The following AGFG1 variants were observed in gnomAD, a reference collection of about 807,000 sequenced individuals.
The protein encoded by AGFG1 is arf-GAP domain and FG repeat-containing protein 1.
Under a neutral mutation model 60.6 loss-of-function variants are expected in AGFG1, and 10 were observed. The ratio of observed to expected loss-of-function variants is 0.16; its 90% CI spans 0.10 to 0.28. The LOEUF is 0.28. Among genes scored for constraint, AGFG1 ranks in the 10% least tolerant of loss-of-function variants. The pLI, the probability that AGFG1 is intolerant of heterozygous loss-of-function variation, is 1.00. For missense variants in AGFG1, 537 were observed against 676.5 expected (o/e 0.79, Z 2.29); for synonymous variants, 247 against 242.9 (o/e 1.02, Z -0.16).
At chr2:227,477,781 T>C (rs532476765) in intron 1 of AGFG1, among the ~76,000 whole-genome samples, 1 of 151,972 alleles carries the variant, frequency 6.6e-6, no homozygotes, top group Non-Finnish European at 1.5e-5. Context: ...AAATTTTTTT[T>C]GTATTTTTAG....
chr2:227,485,668 C>A (rs1054799336), intron 1 of AGFG1, among the ~76,000 whole-genome samples: 1 of 52,322 alleles, frequency 1.9e-5, no homozygotes, highest in African/African-American at 1.0e-4. Flanking sequence ...CCTTCCAGTT[C>A]ATTAATTCTC....
At chr2:227,541,720 C>A (rs922262075) in intron 10 of AGFG1, among the ~76,000 whole-genome samples, 3 of 152,002 alleles carry the variant, frequency 2.0e-5, no homozygotes, top group African/African-American at 7.3e-5. Flanking sequence ...TAGTTTTTTC[C>A]AATTCTGTGA....
chr2:227,493,857 A>G (rs1265523031), intron 2 of AGFG1, among the ~76,000 whole-genome samples: 3 of 152,186 alleles, frequency 2.0e-5, no homozygotes, highest in African/African-American at 7.2e-5. Flanking sequence ...GGAAAAAGGG[A>G]ATCAGTATTT....
At chr2:227,547,891 C>G (rs1366512585) in intron 10 of AGFG1, among the ~76,000 whole-genome samples, 1 of 152,162 alleles carries the variant, frequency 6.6e-6, no homozygotes. Flanking sequence ...AATTTGTACA[C>G]AAATGTTCAT....
intron 2 of AGFG1, among the ~76,000 whole-genome samples, chr2:227,501,427 G>A (rs1691151579): frequency 6.6e-6 from 1 of 152,174 alleles, no homozygotes; most frequent in Admixed American, 6.5e-5. Flanking sequence ...TCAATTTTTT[G>A]AGGTATAATT....
intron 5 of AGFG1, among the ~76,000 whole-genome samples, chr2:227,526,272 C>T (rs1049897084): frequency 2.0e-5 from 3 of 152,082 alleles, no homozygotes; most frequent in Non-Finnish European, 4.4e-5. Context: ...AATCTTACTG[C>T]GACCTCCGCC....
At chr2:227,489,302 C>T (rs540864766) in intron 1 of AGFG1, among the ~76,000 whole-genome samples, 25 of 144,694 alleles carry the variant, frequency 1.7e-4, no homozygotes, top group African/African-American at 6.0e-4. Flanking sequence ...GCAATCTCAG[C>T]TCACTGCAAC....
chr2:227,501,572 C>T (rs1691157640), intron 2 of AGFG1, among the ~76,000 whole-genome samples: 1 of 152,122 alleles, frequency 6.6e-6, no homozygotes, highest in Non-Finnish European at 1.5e-5. Flanking sequence ...ACACTTCTTC[C>T]TATTCAGTCC....
intron 2 of AGFG1, among the ~76,000 whole-genome samples, chr2:227,495,218 A>G (rs1472085728): frequency 2.0e-5 from 3 of 152,090 alleles, no homozygotes; most frequent in African/African-American, 4.8e-5. Flanking sequence ...AAAAGTTTCC[A>G]TGTATTTCTT....
intron 10 of AGFG1, among the ~76,000 whole-genome samples, chr2:227,543,176 A>G (rs1055321432): frequency 2.0e-5 from 3 of 151,514 alleles, no homozygotes; most frequent in African/African-American, 7.3e-5. Context: ...CTGTGATCTT[A>G]GTTATTTCTT....
intron 1 of AGFG1, among the ~76,000 whole-genome samples, chr2:227,485,920 A>G (rs1690619464): frequency 6.6e-6 from 1 of 152,102 alleles, no homozygotes; most frequent in African/African-American, 2.4e-5. Flanking sequence ...TACTGACTCA[A>G]GCTCATTGGT....
intron 1 of AGFG1, among the ~76,000 whole-genome samples, chr2:227,477,943 T>A (rs945389914): frequency 5.3e-5 from 8 of 152,114 alleles, no homozygotes; most frequent in Non-Finnish European, 1.0e-4. Context: ...TCATAAATGT[T>A]TGTTTTATGG....
At chr2:227,495,718 A>T (rs1434141006) in intron 2 of AGFG1, among the ~76,000 whole-genome samples, 2 of 152,096 alleles carry the variant, frequency 1.3e-5, no homozygotes, top group African/African-American at 4.8e-5. Context: ...GGAGAAGAAA[A>T]TTTAGAAATA....
At chr2:227,494,075 AGTAT>A in intron 2 of AGFG1, among the ~76,000 whole-genome samples, 1 of 152,226 alleles carries the variant, frequency 6.6e-6, no homozygotes, top group Admixed American at 6.5e-5. Context: ...ACCTTCTTAT[AGTAT>A]ACCAAAGAAC....
rs541946702 is a variant in AGFG1, at chr2:227,512,557, T to C, written c.262-7391T>C. On this transcript the variant is annotated intron_variant, in intron 2 of 12. Transcript: ENST00000310078. ...ATATTTGAGATTATTTCTCTGAGTA[T>C]GGACTTTTTCTCCCTCGTTTATTCC... 9.3e-4 allele frequency among the ~76,000 whole-genome samples: 142 copies of C among 152,366 alleles called. 1 individual carries two copies. Among genetic ancestry groups the C allele is most frequent in the African/African-American group, 3.1e-3 (127 of 41,594 alleles).
At chr2:227,553,575 CAACTT>C (rs1312251919) in intron 11 of AGFG1, 124 bp from the exon 12 acceptor site, 3 of 657,466 alleles carry the variant, frequency 4.6e-6, no homozygotes, top group Non-Finnish European at 7.7e-6. Context: ...TGAGGCCTAA[CAACTT>C]AACTTTAACA....
At chr2:227,483,556 A>G (rs1056681896) in intron 1 of AGFG1, among the ~76,000 whole-genome samples, 13 of 152,172 alleles carry the variant, frequency 8.5e-5, no homozygotes, top group African/African-American at 2.9e-4. Context: ...TCTTTCCAAG[A>G]ATGTTGTGTA....
rs1419416776 is a variant in AGFG1 at position 227,559,257 on chromosome 2, T to G, written c.*4762T>G. Reference sequence around the variant, plus strand: ...TCTTAAGGTGGCCACTAGCTTACCATTCCCAATTTTTCTTAGTCTCAAACA... The same window carrying G: ...TCTTAAGGTGGCCACTAGCTTACCAGTCCCAATTTTTCTTAGTCTCAAACA... On this transcript the variant is annotated 3_prime_UTR_variant, in exon 13 of 13. Coordinates refer to ENST00000310078, the MANE Select transcript of AGFG1 (RefSeq NM_004504.5). 1 of 152,200 alleles carries G rather than the reference T, an allele frequency of 6.6e-6. No homozygotes were observed. The highest frequency in any genetic ancestry group is 1.5e-5 in the Non-Finnish European group (1 of 68,028). The allele number at this position is 152,200 out of a possible 1,614,324, so 9.4% of individuals were successfully genotyped here.
rs921442022 is a variant in AGFG1, at chr2:227,537,013, G to A, written c.1378+20G>A. On this transcript the variant is annotated intron_variant, in intron 10 of 12. Transcript: ENST00000310078. ...CAACAGGTAAGAAAAAGAGACAGTG[G>A]AACAGTAAGTTTTGGGGAAGACATT... 21 of 1,597,644 alleles carry A rather than the reference G, an allele frequency of 1.3e-5. No homozygotes were observed. The highest frequency in any genetic ancestry group is 1.8e-5 in the Non-Finnish European group (21 of 1,169,034).
Sources: allele counts gnomAD v4.1 joint callset (sites outside exome capture counted in the v4.1 genomes callset), GRCh38; gene constraint gnomAD v4.1.1; transcripts MANE v1.5; gene names NCBI Gene and HGNC (gene_info 2026-07-23, HGNC 2026-07-21).